The following POMZP3 variants were observed in gnomAD, a reference collection of about 807,000 sequenced individuals.
POMZP3 encodes POM121 and ZP3 fusion protein.
Under a neutral mutation model 19.8 loss-of-function variants are expected in POMZP3, and 10 were observed. That is an observed-to-expected ratio of 0.51 (90% CI 0.31 to 0.86). The LOEUF (loss-of-function observed/expected upper bound fraction) is 0.86, where lower values mean the gene tolerates loss of function less well. Ranked by LOEUF, POMZP3 falls within the 40% of genes least tolerant of loss-of-function variation. POMZP3 has a pLI of 0.04. For synonymous variants in POMZP3, 57 were observed against 85.8 expected (o/e 0.66, Z 1.85); for missense variants, 152 against 228.1 (o/e 0.67, Z 2.15).
intron 3 of POMZP3, among the ~76,000 whole-genome samples, chr7:76,624,645 C>T (rs1271119382): frequency 5.4e-5 from 8 of 147,830 alleles, no homozygotes; most frequent in African/African-American, 1.7e-4. Flanking sequence ...GGGGTTTCAC[C>T]ATGTTGGCCA....
chr7:76,624,338 C>T (rs1459166916), intron 3 of POMZP3, among the ~76,000 whole-genome samples: 3 of 151,634 alleles, frequency 2.0e-5, no homozygotes, highest in Non-Finnish European at 4.4e-5. Context: ...CACCTGAGGT[C>T]AGGAGTTCGA....
At chr7:76,624,763 C>T (rs1815770368) in intron 3 of POMZP3, among the ~76,000 whole-genome samples, 1 of 151,390 alleles carries the variant, frequency 6.6e-6, no homozygotes, top group Non-Finnish European at 1.5e-5. Flanking sequence ...TGGTTTTAAT[C>T]TCATTACTGA....
chr7:76,610,199 A>G lies in POMZP3; in HGVS notation c.*28T>C. On this transcript the variant is annotated 3_prime_UTR_variant, in exon 7 of 7. Coordinates refer to ENST00000310842, the MANE Select transcript of POMZP3 (RefSeq NM_012230.5). ...GGAAGATCAGTGGCCCCACGGTGAC[A>G]TCTGCTTCTTCTGTCACTGTGAAAG... 1 of 1,613,478 alleles carries G rather than the reference A, an allele frequency of 6.2e-7. No individual in the cohort carries two copies.
At chr7:76,623,065 T>C (rs1353743307) in intron 3 of POMZP3, among the ~76,000 whole-genome samples, 2 of 151,538 alleles carry the variant, frequency 1.3e-5, no homozygotes, top group Non-Finnish European at 2.9e-5. Flanking sequence ...AGAGATGGAG[T>C]TGCACTATGT....
chr7:76,626,564 G>A lies in POMZP3; in HGVS notation c.-152+144C>T, dbSNP rs796094216. Reference sequence around the variant, plus strand: ...AAGCAAGAGTCAGAGGCCAGGAGACGGCTGGCACACACCAAGGTGTTAAGG... The same window carrying A: ...AAGCAAGAGTCAGAGGCCAGGAGACAGCTGGCACACACCAAGGTGTTAAGG... On this transcript the variant is annotated intron_variant, in intron 1 of 6. Coordinates refer to ENST00000310842, the MANE Select transcript of POMZP3 (RefSeq NM_012230.5). The A allele has an allele frequency of 8.8e-6, 6 of 681,474 alleles. No homozygotes were observed. The African/African-American group carries it at 9.1e-5, about 10-fold the overall frequency. The allele number at this position is 681,474 out of a possible 1,614,324, so 42.2% of individuals were successfully genotyped here.
At chr7:76,618,465 T>C (rs1177061477) in intron 3 of POMZP3, 165 bp from the exon 4 acceptor site, 1 of 935,016 alleles carries the variant, frequency 1.1e-6, no homozygotes, top group East Asian at 2.8e-5. Flanking sequence ...CTACTAAAAA[T>C]ACAAAAATTA....
At chr7:76,618,927 A>G (rs1341833332) in intron 3 of POMZP3, among the ~76,000 whole-genome samples, 1 of 152,022 alleles carries the variant, frequency 6.6e-6, no homozygotes, top group African/African-American at 2.4e-5. Context: ...AGCTGGGACT[A>G]CAAGCGTGCA....
chr7:76,625,639 T>C lies in POMZP3; in HGVS notation c.110A>G (p.Asn37Ser), dbSNP rs1815838033. The change falls in exon 3 of 7, where the codon AAT becomes AGT. Residue 37 changes from asparagine to serine, a missense_variant. Coordinates refer to ENST00000310842, the MANE Select transcript of POMZP3 (RefSeq NM_012230.5). The part of the protein sequence containing the change: ...ISSTLSSPSS[N>S]APDPCAKETV... ...CTCCTTTGCACATGGGTCTGGGGCA[T>C]TACTTGATGGTGAGGACAGTGTTGA... is the stretch of plus-strand genomic sequence containing the variant. The C allele has an allele frequency of 1.2e-6, 2 of 1,613,760 alleles. No homozygotes were observed. The highest frequency in any genetic ancestry group is 2.7e-5 in the African/African-American group (2 of 74,904).
chr7:76,620,450 A>C (rs1815491113), intron 3 of POMZP3, among the ~76,000 whole-genome samples: 1 of 149,130 alleles, frequency 6.7e-6, no homozygotes, highest in South Asian at 2.1e-4. Context: ...GCCACAAGGG[A>C]ACCAGTGAAA....
intron 3 of POMZP3, among the ~76,000 whole-genome samples, chr7:76,622,496 A>G (rs1459553797): frequency 7.0e-6 from 1 of 142,998 alleles, no homozygotes; most frequent in Non-Finnish European, 1.5e-5. Flanking sequence ...CTCCTGCCTC[A>G]GCCTCCCGAG....
intron 3 of POMZP3, among the ~76,000 whole-genome samples, chr7:76,624,572 A>G (rs980999669): frequency 4.0e-5 from 6 of 150,798 alleles, no homozygotes; most frequent in South Asian, 2.1e-4. Flanking sequence ...CAGCCTCTGG[A>G]GTAGCTGGGA....
At chr7:76,623,398 C>G (rs1815682017) in intron 3 of POMZP3, among the ~76,000 whole-genome samples, 1 of 150,420 alleles carries the variant, frequency 6.6e-6, no homozygotes. Context: ...AACTCTATTT[C>G]TGTCCAGAAC....
At position 76,614,188 on chromosome 7, in the gene POMZP3, G is replaced by GT. The variant is rs1302940463; in HGVS notation, c.346-2376dup. Among the ~76,000 whole-genome samples, 7 of 95,056 alleles carry GT rather than the reference G, an allele frequency of 7.4e-5. 1 individual carries two copies. Among genetic ancestry groups the GT allele is most frequent in the African/African-American group, 3.0e-4 (7 of 23,016 alleles). The allele number at this position is 95,056 out of a possible 152,430, so 62.4% of individuals were successfully genotyped here. On this transcript the variant is annotated intron_variant, in intron 4 of 6. Coordinates refer to ENST00000310842, the MANE Select transcript of POMZP3 (RefSeq NM_012230.5). The stretch of plus-strand genomic sequence containing the variant: ...TACTTTCATCCTTAGCTTCTTCCTA[G>GT]TATGTTTTTCTGGTGCTAACTGGAG...
chr7:76,623,783 C>T (rs1448549335), intron 3 of POMZP3, among the ~76,000 whole-genome samples: 1 of 151,670 alleles, frequency 6.6e-6, no homozygotes, highest in Non-Finnish European at 1.5e-5. Flanking sequence ...GCATGGCTGA[C>T]AGAGCGAGAA....
chr7:76,621,872 G>T (rs1754219), intron 3 of POMZP3, among the ~76,000 whole-genome samples: 2 of 120,328 alleles, frequency 1.7e-5, no homozygotes, highest in African/African-American at 6.1e-5. Context: ...CCCGGGAGGC[G>T]GAGCTTGCAG....
At position 76,611,751 on chromosome 7, in the gene POMZP3, C is replaced by T. The variant is rs187692176; in HGVS notation, c.408G>A (p.Lys136=). Reference sequence around the variant, plus strand: ...TGGAAGGCTTGCTGAAGGAACAGGCCTTGTTGAGTTCATCTGGGTCCTGCT... The same window carrying T: ...TGGAAGGCTTGCTGAAGGAACAGGCTTTGTTGAGTTCATCTGGGTCCTGCT... ...LAEQDPDELN[K]ACSFSKPSNS... is the part of the protein sequence containing the mutation. The change falls in exon 5 of 7, where the codon AAG becomes AAA. Residue 136 remains lysine, a synonymous_variant. Coordinates refer to ENST00000310842, the MANE Select transcript of POMZP3 (RefSeq NM_012230.5). The T allele has an allele frequency of 0.034, 51,679 of 1,529,276 alleles. 482 individuals carry two copies. The highest frequency in any genetic ancestry group is 0.2 in the African/African-American group (12,298 of 62,984). The allele number at this position is 1,529,276 out of a possible 1,614,324, so 94.7% of individuals were successfully genotyped here.
intron 3 of POMZP3, among the ~76,000 whole-genome samples, chr7:76,620,895 G>C (rs1481223898): frequency 2.8e-5 from 3 of 108,280 alleles, no homozygotes; most frequent in South Asian, 3.7e-4. Context: ...TTGAGACAGA[G>C]TCTCTCTGTG....
chr7:76,625,708 C>A, intron 2 of POMZP3, 25 bp from the exon 3 acceptor site: 1 of 1,606,894 alleles, frequency 6.2e-7, no homozygotes, highest in East Asian at 2.2e-5. Flanking sequence ...AGGATTCTAG[C>A]AGTAAGATAT....
chr7:76,610,596 G>A (rs1815044106), intron 6 of POMZP3, among the ~76,000 whole-genome samples: 2 of 151,972 alleles, frequency 1.3e-5, no homozygotes, highest in South Asian at 2.1e-4. Context: ...AGGTTTCAGT[G>A]AGCAGAGATC....
Sources: gnomAD v4.1 joint callset for allele counts (sites outside exome capture counted in the v4.1 genomes callset) on GRCh38, gnomAD v4.1.1 for gene constraint, MANE v1.5 for transcripts, NCBI Gene and HGNC (gene_info 2026-07-23, HGNC 2026-07-21) for gene names.